PHACTR3: variants seen among roughly 807,000 people sequenced by gnomAD.
PHACTR3 encodes protein phosphatase 1, regulatory subunit 123.
Under a neutral mutation model 66.8 loss-of-function variants are expected in PHACTR3, and 16 were observed. That is an observed-to-expected ratio of 0.24 (90% confidence interval 0.16 to 0.36). The LOEUF (loss-of-function observed/expected upper bound fraction) is 0.36, where lower values mean the gene tolerates loss of function less well. PHACTR3 is among the 10% of genes least tolerant of loss of function. The pLI is 1.00. For missense variants in PHACTR3, 647 were observed against 719.9 expected, an observed-to-expected ratio of 0.90 and a Z score of 1.16; for synonymous variants, 323 against 292.1, an observed-to-expected ratio of 1.11 and a Z score of -1.08.
chr20:59,759,516 C>T lies in PHACTR3; in HGVS notation c.541+4152C>T, dbSNP rs118057828. Among the ~76,000 whole-genome samples, 849 of 152,276 alleles carry T rather than the reference C, an allele frequency of 5.6e-3. 3 individuals are homozygous for T. Among genetic ancestry groups the T allele is most frequent in the Non-Finnish European group, 9.3e-3 (630 of 68,022 alleles). On this transcript the variant is annotated intron_variant, in intron 4 of 12. Transcript: ENST00000371015. Reference sequence around the variant, plus strand: ...TAGATGGGTGTTGGAGTTTGCAACCCTTTCCATGAAGGTTAAGAGCCTAGT... The same window carrying T: ...TAGATGGGTGTTGGAGTTTGCAACCTTTTCCATGAAGGTTAAGAGCCTAGT...
At chr20:59,665,696 G>T (rs2035961536) in intron 1 of PHACTR3, among the ~76,000 whole-genome samples, 4 of 152,142 alleles carry the variant, frequency 2.6e-5, no homozygotes, top group South Asian at 4.1e-4. Flanking sequence ...GAAGCCTGCA[G>T]AGGGGCTGAG....
At chr20:59,593,847 T>C (rs549052662) in intron 1 of PHACTR3, among the ~76,000 whole-genome samples, 9 of 152,340 alleles carry the variant, frequency 5.9e-5, no homozygotes, top group African/African-American at 2.2e-4. Context: ...CCCTATTCAA[T>C]TCCACTGATT....
Position 59,758,777 on chromosome 20 carries a change from C to T in PHACTR3, c.541+3413C>T, listed in dbSNP as rs544506494. Among the ~76,000 whole-genome samples the T allele has an allele frequency of 2.2e-4, 33 of 152,276 alleles. No homozygotes were observed. The South Asian group carries it at 6.0e-3, about 28-fold the overall frequency. On this transcript the variant is annotated intron_variant, in intron 4 of 12. Coordinates refer to ENST00000371015, the MANE Select transcript of PHACTR3 (RefSeq NM_080672.5). ...CAGGCCGACCTGGGTTTGAGACACA[C>T]GGCTGAACTCCTTACTGAGCTGTGG...
At chr20:59,838,801 T>C (rs1166683209) in intron 9 of PHACTR3, among the ~76,000 whole-genome samples, 15 of 152,114 alleles carry the variant, frequency 9.9e-5, no homozygotes, top group Admixed American at 5.9e-4. Context: ...TATGGGTCCC[T>C]TGCTTTGTAT....
chr20:59,809,382 TCTCAGTG>T, intron 8 of PHACTR3, among the ~76,000 whole-genome samples: 1 of 151,690 alleles, frequency 6.6e-6, no homozygotes, highest in Non-Finnish European at 1.5e-5. Flanking sequence ...TTTCTGCAAG[TCTCAGTG>T]ATGGGACGTG....
At chr20:59,670,607 G>GT (rs1291485924) in intron 1 of PHACTR3, among the ~76,000 whole-genome samples, 2 of 118,016 alleles carry the variant, frequency 1.7e-5, no homozygotes, top group African/African-American at 7.4e-5. Flanking sequence ...GCCGGGGGTG[G>GT]GGGGGGGGGG....
chr20:59,578,027 G>A (rs1410713650), intron 1 of PHACTR3, among the ~76,000 whole-genome samples: 2 of 152,252 alleles, frequency 1.3e-5, no homozygotes, highest in Admixed American at 6.5e-5. Flanking sequence ...TATGGACAGC[G>A]CTGGCCACCC....
intron 7 of PHACTR3, among the ~76,000 whole-genome samples, chr20:59,804,997 A>G (rs1465431704): frequency 1.3e-5 from 2 of 152,186 alleles, no homozygotes; most frequent in Admixed American, 1.3e-4. Flanking sequence ...CTGCAAAACC[A>G]CAGACTGCAA....
chr20:59,625,946 T>C (rs879507943), intron 1 of PHACTR3, among the ~76,000 whole-genome samples: 4 of 152,014 alleles, frequency 2.6e-5, no homozygotes, highest in Non-Finnish European at 5.9e-5. Context: ...GTGAGGGACG[T>C]GGAGATTTCT....
At chr20:59,665,239 C>G (rs371553797) in intron 1 of PHACTR3, among the ~76,000 whole-genome samples, 2 of 152,206 alleles carry the variant, frequency 1.3e-5, no homozygotes, top group Non-Finnish European at 2.9e-5. Flanking sequence ...ATGTGGCTCT[C>G]TCTCTACCTA....
chr20:59,768,137 G>A (rs771651078), intron 5 of PHACTR3, among the ~76,000 whole-genome samples: 1 of 152,208 alleles, frequency 6.6e-6, no homozygotes, highest in African/African-American at 2.4e-5. Context: ...TGTCACACTG[G>A]CAGAATAATC....
intron 7 of PHACTR3, among the ~76,000 whole-genome samples, chr20:59,799,415 C>G (rs902020874): frequency 1.3e-5 from 2 of 152,054 alleles, no homozygotes; most frequent in Non-Finnish European, 2.9e-5. Flanking sequence ...TTATTTCTTT[C>G]CTCAATTCTG....
chr20:59,647,230 G>T (rs183859820), intron 1 of PHACTR3, among the ~76,000 whole-genome samples: 1 of 152,214 alleles, frequency 6.6e-6, no homozygotes, highest in Non-Finnish European at 1.5e-5. Flanking sequence ...GAGAGCTTGT[G>T]CAGGGAAACT....
intron 1 of PHACTR3, among the ~76,000 whole-genome samples, chr20:59,605,621 C>T (rs894278768): frequency 6.6e-6 from 1 of 152,204 alleles, no homozygotes; most frequent in African/African-American, 2.4e-5. Context: ...CGGGGCCTGG[C>T]GCACCTGGGC....
chr20:59,831,019 T>C (rs1359186228), intron 8 of PHACTR3, among the ~76,000 whole-genome samples: 4 of 152,076 alleles, frequency 2.6e-5, no homozygotes, highest in Admixed American at 6.5e-5. Context: ...CTAGGCCCCT[T>C]CCTCCCCATT....
At chr20:59,722,047 A>G (rs2038325170) in intron 1 of PHACTR3, among the ~76,000 whole-genome samples, 1 of 152,040 alleles carries the variant, frequency 6.6e-6, no homozygotes, top group Non-Finnish European at 1.5e-5. Context: ...TGGCTAACAC[A>G]GTGAAACCCC....
intron 1 of PHACTR3, among the ~76,000 whole-genome samples, chr20:59,654,249 T>C (rs1233853894): frequency 6.6e-6 from 1 of 152,240 alleles, no homozygotes; most frequent in Non-Finnish European, 1.5e-5. Context: ...GCTTTTATTC[T>C]GCCTTCCTGT....
intron 1 of PHACTR3, among the ~76,000 whole-genome samples, chr20:59,615,705 G>T (rs2034003469): frequency 6.6e-6 from 1 of 152,208 alleles, no homozygotes; most frequent in African/African-American, 2.4e-5. Context: ...GTCTAAACCA[G>T]CCATGTTAGT....
intron 1 of PHACTR3, among the ~76,000 whole-genome samples, chr20:59,704,008 G>A (rs761808928): frequency 1.3e-5 from 2 of 152,078 alleles, no homozygotes; most frequent in Non-Finnish European, 2.9e-5. Context: ...CCTTCACACT[G>A]GAATCTTTGA....
Sources: gnomAD v4.1 joint callset for allele counts (sites outside exome capture counted in the v4.1 genomes callset) on GRCh38, gnomAD v4.1.1 for gene constraint, MANE v1.5 for transcripts, NCBI Gene and HGNC (gene_info 2026-07-23, HGNC 2026-07-21) for gene names.